The following ATM variants were observed in gnomAD, a reference collection of about 807,000 sequenced individuals.
ATM encodes the protein serine-protein kinase ATM.
Under a neutral mutation model 387.0 loss-of-function variants are expected in ATM, and 308 were observed. The observed-to-expected ratio is 0.80, with a 90% CI of 0.73 to 0.87. The LOEUF is 0.87. Ranked by LOEUF, ATM falls within the 40% of genes least tolerant of loss-of-function variation. The probability of loss-of-function intolerance (pLI) is 0.00; values close to 1 mark genes in which losing one functional copy is unlikely to be tolerated. For missense variants in ATM, 3,312 were observed against 3,560.9 expected (o/e 0.93, Z 1.78); for synonymous variants, 1,156 against 1,187.3 (o/e 0.97, Z 0.54).
Position 108,353,880 on chromosome 11 carries a change from GGTAA to G in ATM, c.8786+3_8786+6del. 1.2e-6 allele frequency: 2 copies of G among 1,609,088 alleles called. No individual in the cohort carries two copies. Among genetic ancestry groups the G allele is most frequent in the Non-Finnish European group, 1.7e-6 (2 of 1,175,530 alleles). On this transcript the variant is annotated splice_donor_variant and splice_donor_region_variant and intron_variant, in intron 60 of 62. Coordinates refer to ENST00000675843, the MANE Select transcript of ATM (RefSeq NM_000051.4). LOFTEE classifies it high-confidence loss of function. ...ACGGGTGTTGAAGGTGTCTTCAGAA[GGTAA>G]GTGATATGAAGTAAAGGAGGGAAAT...
intron 61 of ATM, chr11:108,355,789 G>C (rs892667216): frequency 6.6e-6 from 1 of 152,244 alleles, no homozygotes; most frequent in Non-Finnish European, 1.5e-5. Context: ...TATGAGAACT[G>C]TCTTAATTCA....
intron 50 of ATM, 140 bp downstream of exon 50, chr11:108,330,561 T>C (rs1468740614): frequency 3.4e-6 from 3 of 871,740 alleles, no homozygotes; most frequent in African/African-American, 3.4e-5. Flanking sequence ...ATTTTGTAGT[T>C]TTCTAAACTT....
intron 22 of ATM, among the ~76,000 whole-genome samples, chr11:108,276,492 G>A (rs1234658659): frequency 5.9e-5 from 9 of 152,170 alleles, no homozygotes; most frequent in African/African-American, 1.7e-4. Flanking sequence ...CCTCATCTTC[G>A]TGGATTTATC....
intron 61 of ATM, among the ~76,000 whole-genome samples, chr11:108,362,462 G>A (rs954995076): frequency 1.8e-4 from 27 of 151,428 alleles, no homozygotes; most frequent in Non-Finnish European, 3.8e-4. Flanking sequence ...TATAACCAAA[G>A]GACTATAAAT....
intron 29 of ATM, among the ~76,000 whole-genome samples, chr11:108,290,965 G>A (rs2082758459): frequency 6.6e-6 from 1 of 151,974 alleles, no homozygotes; most frequent in African/African-American, 2.4e-5. Flanking sequence ...GCCGGGTGTA[G>A]TGGCTCACGC....
intron 27 of ATM, 26 bp downstream of exon 27, chr11:108,287,741 C>G (rs910976416): frequency 2.7e-6 from 4 of 1,470,436 alleles, no homozygotes; most frequent in Non-Finnish European, 3.8e-6. Flanking sequence ...ACTTAGAGAA[C>G]TAGCTCTAAC....
intron 43 of ATM, 33 bp downstream of exon 43, chr11:108,317,554 CCT>C (rs755658856): frequency 1.3e-6 from 2 of 1,507,464 alleles, no homozygotes; most frequent in South Asian, 1.1e-5. Context: ...TTTTTTTTTG[CCT>C]CTCTCCTCAT....
intron 43 of ATM, among the ~76,000 whole-genome samples, chr11:108,317,842 A>G (rs968706988): frequency 4.0e-5 from 6 of 151,528 alleles, no homozygotes; most frequent in African/African-American, 1.5e-4. Flanking sequence ...CATTAGGACA[A>G]CTTCACCCCA....
At chr11:108,273,046 T>G (rs1257794514) in intron 22 of ATM, among the ~76,000 whole-genome samples, 194 bp downstream of exon 22, 1 of 152,194 alleles carries the variant, frequency 6.6e-6, no homozygotes, top group Non-Finnish European at 1.5e-5. Context: ...CTTCAATTTA[T>G]AAATGAAAAC....
At chr11:108,283,278 T>C (rs1427529539) in intron 25 of ATM, among the ~76,000 whole-genome samples, 1 of 152,222 alleles carries the variant, frequency 6.6e-6, no homozygotes, top group African/African-American at 2.4e-5. Context: ...TGTTTTTCTT[T>C]TCTGTTGCTT....
At chr11:108,307,862 G>T (rs1191085817) in intron 37 of ATM, 35 bp from the exon 38 acceptor site, 1 of 1,549,514 alleles carries the variant, frequency 6.5e-7, no homozygotes, top group Non-Finnish European at 8.9e-7. Flanking sequence ...AAGCAAGAAT[G>T]CCTGGGACTG....
rs879254240 is a variant in ATM at position 108,343,283 on chromosome 11, G to A, written c.8330G>A (p.Gly2777Asp). The A allele has an allele frequency of 6.2e-7, 1 of 1,614,020 alleles. No individual in the cohort carries two copies. Among genetic ancestry groups the A allele is most frequent in the East Asian group, 2.2e-5 (1 of 44,878 alleles). Reference sequence around the variant, plus strand: ...TGGTGCACAGGAACTGTCCCCATTGGTGAATTTCTTGTTAACAATGAAGAT... The same window carrying A: ...TGGTGCACAGGAACTGTCCCCATTGATGAATTTCTTGTTAACAATGAAGAT... ...LEWCTGTVPI[G>D]EFLVNNEDGA... is the part of the protein sequence containing the mutation. Residue 2777 changes from glycine to aspartate, a missense_variant, in exon 57 of 63, where the codon GGT becomes GAT. Gly to Asp is a moderately conservative substitution (Grantham distance 94). Transcript: ENST00000675843.
chr11:108,244,828 G>A lies in ATM; in HGVS notation c.703G>A (p.Ala235Thr), dbSNP rs76379269. The A allele has an allele frequency of 6.2e-7, 1 of 1,613,742 alleles. No individual in the cohort carries two copies. Among genetic ancestry groups the A allele is most frequent in the African/African-American group, 1.3e-5 (1 of 74,976 alleles). Residue 235 changes from alanine to threonine, a missense_variant, in exon 7 of 63, where the codon GCT becomes ACT. Physicochemically the swap from Ala to Thr is moderately conservative, Grantham distance 58. Around this residue, in one of 4 missense-constraint regions of ATM, gnomAD observed 1,791 missense variants for 1,804.5 expected, o/e 0.99. Transcript: ENST00000675843. ...TTCAGGTCTAAATCATATCTTAGCAGCTCTTACTATCTTCCTCAAGACTTT... is the reference window on the plus strand; with the variant it reads ...TTCAGGTCTAAATCATATCTTAGCAACTCTTACTATCTTCCTCAAGACTTT... Reference protein sequence around the residue: ...SSSGLNHILAALTIFLKTLAV... With the variant: ...SSSGLNHILATLTIFLKTLAV...
chr11:108,362,798 G>T, intron 61 of ATM, among the ~76,000 whole-genome samples: 1 of 123,538 alleles, frequency 8.1e-6, no homozygotes. Context: ...GGGGACTGTG[G>T]TGGGGTGGGG....
intron 35 of ATM, 141 bp downstream of exon 35, chr11:108,301,930 C>A: frequency 1.0e-6 from 1 of 998,204 alleles, no homozygotes; most frequent in South Asian, 1.5e-5. Context: ...AGCCATATTT[C>A]ATAAATCCAG....
chr11:108,241,742 C>CTTTTTTTTTTTTTTT (rs1206745957), intron 5 of ATM, among the ~76,000 whole-genome samples: 13 of 45,366 alleles, frequency 2.9e-4, no homozygotes, highest in African/African-American at 4.3e-4. Context: ...TTCTTTCTTT[C>CTTTTTTTTTTTTTTT]TTTTTTTTTT....
intron 16 of ATM, among the ~76,000 whole-genome samples, chr11:108,260,988 C>T (rs1444664580): frequency 2.6e-5 from 4 of 152,164 alleles, no homozygotes; most frequent in Non-Finnish European, 4.4e-5. Flanking sequence ...GAGGGTCCTA[C>T]GCCCACGGAG....
In ATM at chr11:108,244,845, C is replaced by T. The variant is rs1254593530; in HGVS notation, c.720C>T (p.Leu240=). ...TCTTAGCAGCTCTTACTATCTTCCTCAAGACTTTGGCTGTCAACTTTCGAA... is the reference window on the plus strand; with the variant it reads ...TCTTAGCAGCTCTTACTATCTTCCTTAAGACTTTGGCTGTCAACTTTCGAA... The part of the protein sequence containing the change: ...NHILAALTIF[L]KTLAVNFRIR... The change falls in exon 7 of 63, where the codon CTC becomes CTT. Residue 240 remains leucine, a synonymous_variant. Coordinates refer to ENST00000675843, the MANE Select transcript of ATM (RefSeq NM_000051.4). 2 of 1,613,840 alleles carry T rather than the reference C, an allele frequency of 1.2e-6. No homozygotes were observed. The highest frequency in any genetic ancestry group is 3.3e-5 in the Admixed American group (2 of 60,006).
At chr11:108,248,434 A>G (rs1198986196) in intron 8 of ATM, among the ~76,000 whole-genome samples, 1 of 152,198 alleles carries the variant, frequency 6.6e-6, no homozygotes, top group East Asian at 1.9e-4. Flanking sequence ...CCTGCTTTCT[A>G]AAGTGCCATT....
Sources: gnomAD v4.1 joint callset for allele counts (sites outside exome capture counted in the v4.1 genomes callset) on GRCh38, gnomAD v4.1.1 for gene constraint, gnomAD v4.1.1 regional missense constraint, MANE v1.5 for transcripts, NCBI Gene and HGNC (gene_info 2026-07-23, HGNC 2026-07-21) for gene names.